PATJ: variants seen among roughly 807,000 people sequenced by gnomAD.
PATJ encodes PATJ crumbs cell polarity complex component.
PATJ carries 190 observed loss-of-function variants against 224.9 expected under a neutral mutation model. The observed-to-expected ratio is 0.84, with a 90% CI of 0.75 to 0.95. PATJ has a LOEUF of 0.95. Among genes scored for constraint, PATJ ranks in the 40% least tolerant of loss-of-function variants. PATJ has a pLI of 0.00. For missense variants in PATJ, 2,121 were observed against 2,270.3 expected, an observed-to-expected ratio of 0.93 and a Z score of 1.34; for synonymous variants, 769 against 820.3, an observed-to-expected ratio of 0.94 and a Z score of 1.07.
intron 14 of PATJ, among the ~76,000 whole-genome samples, chr1:61,815,768 G>A (rs907375618): frequency 1.3e-5 from 2 of 152,140 alleles, no homozygotes; most frequent in Admixed American, 6.5e-5. Flanking sequence ...GTGGAGTTGT[G>A]GAGAAAGAGG....
At chr1:61,804,895 C>T (rs1653213255) in intron 12 of PATJ, among the ~76,000 whole-genome samples, 1 of 152,266 alleles carries the variant, frequency 6.6e-6, no homozygotes, top group Non-Finnish European at 1.5e-5. Flanking sequence ...TGTATTAAAG[C>T]TCATGGAACT....
chr1:62,003,588 C>T (rs2149622983), intron 28 of PATJ, among the ~76,000 whole-genome samples: 1 of 152,306 alleles, frequency 6.6e-6, no homozygotes, highest in East Asian at 1.9e-4. Flanking sequence ...GTCCTTGAAA[C>T]CTGCTCCTTT....
intron 27 of PATJ, among the ~76,000 whole-genome samples, chr1:61,951,101 C>T (rs780919203): frequency 7.3e-5 from 11 of 151,674 alleles, no homozygotes; most frequent in Non-Finnish European, 1.3e-4. Context: ...GCCAAGGTCG[C>T]GCCTCTGCAC....
At chr1:61,748,002 T>C (rs1645109652) in intron 1 of PATJ, among the ~76,000 whole-genome samples, 1 of 152,192 alleles carries the variant, frequency 6.6e-6, no homozygotes, top group Admixed American at 6.5e-5. Context: ...TGCCTCAGTC[T>C]CCCAAGTAGC....
intron 10 of PATJ, 30 bp from the exon 11 acceptor site, chr1:61,797,257 C>T (rs1453699844): frequency 1.3e-6 from 2 of 1,589,402 alleles, no homozygotes; most frequent in South Asian, 2.2e-5. Flanking sequence ...AATTTAAAAC[C>T]TCTGCTTAAT....
intron 33 of PATJ, among the ~76,000 whole-genome samples, chr1:62,087,954 C>T (rs551707978): frequency 6.7e-6 from 1 of 150,230 alleles, no homozygotes; most frequent in Non-Finnish European, 1.5e-5. Flanking sequence ...TGAAATGGTG[C>T]AATCTCGGCT....
At chr1:61,780,290 C>A (rs1647176013) in intron 7 of PATJ, among the ~76,000 whole-genome samples, 1 of 151,950 alleles carries the variant, frequency 6.6e-6, no homozygotes, top group Non-Finnish European at 1.5e-5. Flanking sequence ...ATGGTGAAAC[C>A]CCGTCGCTAC....
chr1:62,015,895 C>G (rs1328420885), intron 28 of PATJ, among the ~76,000 whole-genome samples: 1 of 152,112 alleles, frequency 6.6e-6, no homozygotes, highest in Non-Finnish European at 1.5e-5. Flanking sequence ...TCTCGAACTC[C>G]TGGCCTCCAG....
intron 33 of PATJ, among the ~76,000 whole-genome samples, chr1:62,106,077 T>TACAC (rs1230033683): frequency 6.1e-4 from 10 of 16,488 alleles, no homozygotes; most frequent in East Asian, 3.7e-3. Context: ...TATATATATA[T>TACAC]ATACACACAC....
chr1:62,133,823 C>T (rs150704994), intron 41 of PATJ, among the ~76,000 whole-genome samples: 1,632 of 150,220 alleles, frequency 0.011, 30 homozygotes, highest in African/African-American at 0.038. Context: ...CTCGGCTCCA[C>T]TGAGCCTCCA....
intron 28 of PATJ, 42 bp downstream of exon 28, chr1:61,990,406 A>G (rs747421485): frequency 6.8e-7 from 1 of 1,470,842 alleles, no homozygotes; most frequent in Non-Finnish European, 9.4e-7. Flanking sequence ...GGTGAAGTGG[A>G]TGGGTGCAGT....
intron 13 of PATJ, 78 bp downstream of exon 13, chr1:61,805,602 G>A (rs1258772013): frequency 4.5e-6 from 4 of 882,802 alleles, no homozygotes; most frequent in South Asian, 4.4e-5. Context: ...CCAAAGAAAT[G>A]GGTGAGTCAA....
chr1:62,077,689 A>AAAG (rs10630161), intron 31 of PATJ, among the ~76,000 whole-genome samples: 25,463 of 149,156 alleles, frequency 0.17, 2,811 homozygotes, highest in Non-Finnish European at 0.26. Flanking sequence ...CCCTGTCCAA[A>AAAG]AAAAAAAAAA....
At chr1:61,817,641 A>G (rs1195753353) in intron 14 of PATJ, among the ~76,000 whole-genome samples, 1 of 152,216 alleles carries the variant, frequency 6.6e-6, no homozygotes, top group African/African-American at 2.4e-5. Context: ...CGCCTGGGCA[A>G]CAAGAGCGAA....
chr1:61,771,379 A>T, intron 5 of PATJ, 52 bp from the exon 6 acceptor site: 2 of 1,182,542 alleles, frequency 1.7e-6, no homozygotes, highest in Non-Finnish European at 1.2e-6. Flanking sequence ...ATAGATTTTT[A>T]AAAATCAGGT....
rs371578100 is a variant in PATJ at position 61,904,758 on chromosome 1, T to C, written c.3381+3299T>C. On this transcript the variant is annotated intron_variant, in intron 24 of 43. Coordinates refer to ENST00000642238, the MANE Select transcript of PATJ (RefSeq NM_001350145.3). The stretch of plus-strand genomic sequence containing the variant: ...CACTTTTGGTTGCCTCTTCCCTTTC[T>C]CTCCCATCCCTAACTTCTGACAACC... Among the ~76,000 whole-genome samples the C allele has an allele frequency of 5.3e-5, 8 of 152,258 alleles. No homozygotes were observed. In the East Asian group the frequency reaches 1.2e-3, roughly 22 times the overall value.
chr1:61,882,658 C>T (rs1477188879), intron 21 of PATJ, among the ~76,000 whole-genome samples: 2 of 152,102 alleles, frequency 1.3e-5, no homozygotes, highest in African/African-American at 2.4e-5. Context: ...TGACATCACT[C>T]CTCACTGTGA....
Position 62,000,033 on chromosome 1 carries a change from C to T in PATJ, c.3867+9669C>T, listed in dbSNP as rs1244030939. On this transcript the variant is annotated intron_variant, in intron 28 of 43. Transcript: ENST00000642238. ...CCTCCTGAGTAGCTGGGATTACAGG[C>T]GCCTGCCACCATGCCCGGCTAATTT... Among the ~76,000 whole-genome samples, 9 of 151,836 alleles carry T rather than the reference C, an allele frequency of 5.9e-5. No individual in the cohort carries two copies. The South Asian group carries it at 6.2e-4, about 11-fold the overall frequency.
intron 31 of PATJ, among the ~76,000 whole-genome samples, chr1:62,058,869 A>C (rs1161859051): frequency 6.6e-6 from 1 of 152,138 alleles, no homozygotes; most frequent in Non-Finnish European, 1.5e-5. Flanking sequence ...GGTTGTTAGG[A>C]GTCAGATTCA....
Sources: gnomAD v4.1 joint callset for allele counts (sites outside exome capture counted in the v4.1 genomes callset) on GRCh38, gnomAD v4.1.1 for gene constraint, MANE v1.5 for transcripts, NCBI Gene and HGNC (gene_info 2026-07-23, HGNC 2026-07-21) for gene names.